The following YDJC variants were observed in gnomAD, a reference collection of about 807,000 sequenced individuals.
YDJC encodes YdjC chitooligosaccharide deacetylase homolog.
YDJC carries 23 observed loss-of-function variants against 18.9 expected under a neutral mutation model. That is an observed-to-expected ratio of 1.22 (90% CI 0.87 to 1.72). The LOEUF is 1.72. Ranked by LOEUF, YDJC falls within the 40% of genes most tolerant of loss-of-function variation. YDJC has a pLI of 0.00. For synonymous variants in YDJC, 224 were observed against 217.6 expected, an observed-to-expected ratio of 1.03 and a Z score of -0.26; for missense variants, 467 against 470.8, an observed-to-expected ratio of 0.99 and a Z score of 0.07.
In YDJC at chr22:21,629,942, T is replaced by C; in HGVS notation, c.73A>G (p.Ile25Val). 6.2e-7 allele frequency: 1 copy of C among 1,605,264 alleles called. No individual in the cohort carries two copies. The highest frequency in any genetic ancestry group is 8.5e-7 in the Non-Finnish European group (1 of 1,178,480). Residue 25 changes from isoleucine (I) to valine (V), a missense_variant, in exon 1 of 5, where the codon ATC becomes GTC. Transcript: ENST00000292778. ...FGYCPRRDEG[I>V]VEAFLAGAVT... is the part of the protein sequence containing the mutation. ...GCCCCGGCCAGAAAGGCCTCCACGATACCCTCATCGCGTCGCGGGCAGTAA... is the reference window on the plus strand; with the variant it reads ...GCCCCGGCCAGAAAGGCCTCCACGACACCCTCATCGCGTCGCGGGCAGTAA...
chr22:21,628,553 C>A lies in YDJC; in HGVS notation c.837G>T (p.Ala279=). Reference sequence around the variant, plus strand: ...GGGCAAGCTGGGCCCGCAGCGTGGGCGCGGTGAGGACGCGCAGCTCATGCA... The same window carrying A: ...GGGCAAGCTGGGCCCGCAGCGTGGGAGCGGTGAGGACGCGCAGCTCATGCA... ...ERLHELRVLT[A]PTLRAQLAQD... is the part of the protein sequence containing the mutation. Residue 279 remains alanine (A), a synonymous_variant, in exon 5 of 5, where the codon GCG becomes GCT. Coordinates refer to ENST00000292778, the MANE Select transcript of YDJC (RefSeq NM_001017964.2). 1 of 1,611,314 alleles carries A rather than the reference C, an allele frequency of 6.2e-7. No individual in the cohort carries two copies. Among genetic ancestry groups the A allele is most frequent in the Non-Finnish European group, 8.5e-7 (1 of 1,178,668 alleles).
Position 21,629,360 on chromosome 22 carries a change from C to T in YDJC, c.372G>A (p.Leu124=). 1 of 1,550,128 alleles carries T rather than the reference C, an allele frequency of 6.5e-7. No individual in the cohort carries two copies. The highest frequency in any genetic ancestry group is 1.4e-5 in the African/African-American group (1 of 73,186). The change falls in exon 3 of 5, where the codon CTG becomes CTA. Residue 124 remains leucine, a synonymous_variant. Transcript: ENST00000292778. ...CGTCCGCGTGCGTGGGGGCCCTGCC[C>T]AGCAGCTCCCGGAAGCAGCTTAGTT... ...EAQLSCFREL[L]GRAPTHADGH...
rs1490896390 is a variant in YDJC, at chr22:21,628,096, G to A, written c.*322C>T. On this transcript the variant is annotated 3_prime_UTR_variant, in exon 5 of 5. Transcript: ENST00000292778. The stretch of plus-strand genomic sequence containing the variant: ...GCTGATAAACCACCCAAGTTTGAAA[G>A]ACACACGTTATTTTATTAATATAGC... The A allele has an allele frequency of 4.1e-6, 1 of 244,674 alleles. No individual in the cohort carries two copies. The highest frequency in any genetic ancestry group is 2.2e-5 in the African/African-American group (1 of 44,852). The allele number at this position is 244,674 out of a possible 1,614,324, so 15.2% of individuals were successfully genotyped here.
Position 21,629,940 on chromosome 22 carries a change from G to C in YDJC, c.75C>G (p.Ile25Met). The C allele has an allele frequency of 6.2e-7, 1 of 1,605,232 alleles. No individual in the cohort carries two copies. Among genetic ancestry groups the C allele is most frequent in the South Asian group, 1.1e-5 (1 of 90,360 alleles). Residue 25 changes from isoleucine to methionine, a missense_variant, in exon 1 of 5, where the codon ATC becomes ATG. Ile to Met is a conservative substitution (Grantham distance 10, BLOSUM62 1). Coordinates refer to ENST00000292778, the MANE Select transcript of YDJC (RefSeq NM_001017964.2). ...CAGCCCCGGCCAGAAAGGCCTCCAC[G>C]ATACCCTCATCGCGTCGCGGGCAGT... ...FGYCPRRDEG[I>M]VEAFLAGAVT...
chr22:21,629,528 A>C (rs2148458729), intron 2 of YDJC, 74 bp downstream of exon 2: 1 of 1,602,540 alleles, frequency 6.2e-7, no homozygotes, highest in East Asian at 2.2e-5. Flanking sequence ...CCAGCTCCTA[A>C]CGGCCTCACA....
In YDJC at chr22:21,628,395, A is replaced by G; in HGVS notation, c.*23T>C. ...CCCCTTTCTTGGTACTAAGGGGATT[A>G]GTGCTTGGTTGTCTGTAGGGGGTCA... On this transcript the variant is annotated 3_prime_UTR_variant, in exon 5 of 5. Coordinates refer to ENST00000292778, the MANE Select transcript of YDJC (RefSeq NM_001017964.2). 5 of 1,515,016 alleles carry G rather than the reference A, an allele frequency of 3.3e-6. No individual in the cohort carries two copies. Among genetic ancestry groups the G allele is most frequent in the Non-Finnish European group, 4.4e-6 (5 of 1,128,544 alleles). The allele number at this position is 1,515,016 out of a possible 1,614,324, so 93.8% of individuals were successfully genotyped here.
intron 3 of YDJC, 43 bp downstream of exon 3, chr22:21,629,265 C>A (rs1411044424): frequency 2.3e-5 from 36 of 1,549,728 alleles, no homozygotes; most frequent in African/African-American, 5.5e-5. Context: ...CCCAGCCCCG[C>A]CTGGGAGTAA....
At position 21,629,142 on chromosome 22, in the gene YDJC, C is replaced by G. The variant is rs770991671; in HGVS notation, c.470G>C (p.Arg157Pro). ...GCGCTCCAGCGGCAGTCGCGTAAAG[C>G]GCACCCCATAGGCCTGCAGCGCCTC... ...FAEALQAYGV[R>P]FTRLPLERGV... Residue 157 changes from arginine to proline, a missense_variant, in exon 4 of 5, where the codon CGC (arginine) becomes CCC (proline). Coordinates refer to ENST00000292778, the MANE Select transcript of YDJC (RefSeq NM_001017964.2). 2.4e-5 allele frequency: 37 copies of G among 1,540,020 alleles called. No individual in the cohort carries two copies. Among genetic ancestry groups the G allele is most frequent in the Non-Finnish European group, 3.2e-5 (37 of 1,146,396 alleles).
chr22:21,629,809 G>T (rs1930425403), intron 1 of YDJC, 42 bp downstream of exon 1: 3 of 1,473,990 alleles, frequency 2.0e-6, no homozygotes, highest in African/African-American at 1.5e-5. Context: ...GGAGCCGCGC[G>T]CCCCAAGCCG....
chr22:21,629,895 C>T lies in YDJC; in HGVS notation c.120G>A (p.Leu40=). ...CGCTCTCCGTGGCCGCACCGTTGAC[C>T]AGCAGGGACACGCTGGTCACAGCCC... is the stretch of plus-strand genomic sequence containing the variant. ...LAGAVTSVSL[L]VNGAATESAA... Residue 40 remains leucine (L), a synonymous_variant, in exon 1 of 5, where the codon CTG becomes CTA. Transcript: ENST00000292778. 1 of 1,593,638 alleles carries T rather than the reference C, an allele frequency of 6.3e-7. No individual in the cohort carries two copies. Among genetic ancestry groups the T allele is most frequent in the Non-Finnish European group, 8.5e-7 (1 of 1,174,548 alleles).
At position 21,629,704 on chromosome 22, in the gene YDJC, C is replaced by A; in HGVS notation, c.222G>T (p.Pro74=). ...GCAGCGATGAGGCGCCACGGCGGGC[C>A]GGACCCACGGGGCGGCCCTCGGACA... is the stretch of plus-strand genomic sequence containing the variant. ...ANLSEGRPVG[P]ARRGASSLLG... Residue 74 remains proline (P), a synonymous_variant, in exon 2 of 5, where the codon CCG becomes CCT. Transcript: ENST00000292778. The A allele has an allele frequency of 6.3e-7, 1 of 1,591,258 alleles. No homozygotes were observed. The highest frequency in any genetic ancestry group is 1.1e-5 in the South Asian group (1 of 88,732).
Position 21,628,279 on chromosome 22 carries a change from G to C in YDJC, c.*139C>G, listed in dbSNP as rs566063891. 1.6e-6 allele frequency: 2 copies of C among 1,219,296 alleles called. No homozygotes were observed. Among genetic ancestry groups the C allele is most frequent in the African/African-American group, 3.1e-5 (2 of 64,360 alleles). The allele number at this position is 1,219,296 out of a possible 1,614,324, so 75.5% of individuals were successfully genotyped here. A position where few individuals can be genotyped will look rare whatever the true frequency, so the allele number is the denominator to read the frequency against. Reference sequence around the variant, plus strand: ...ATGCCATTTGGAGGCATGAGGACCTGAGCCCAGAGGTGGCAGTGTCCTACC... The same window carrying C: ...ATGCCATTTGGAGGCATGAGGACCTCAGCCCAGAGGTGGCAGTGTCCTACC... On this transcript the variant is annotated 3_prime_UTR_variant, in exon 5 of 5. Coordinates refer to ENST00000292778, the MANE Select transcript of YDJC (RefSeq NM_001017964.2).
chr22:21,629,192 G>C lies in YDJC; in HGVS notation c.425-5C>G, dbSNP rs1364250250. The stretch of plus-strand genomic sequence containing the variant: ...CGGCGAACACCTGGCACACGCCTGC[G>C]GGCGGAGCGGGTCAGGGAGGAGCAC... On this transcript the variant is annotated splice_region_variant and splice_polypyrimidine_tract_variant and intron_variant, in intron 3 of 4. Coordinates refer to ENST00000292778, the MANE Select transcript of YDJC (RefSeq NM_001017964.2). 1.9e-6 allele frequency: 3 copies of C among 1,544,632 alleles called. No individual in the cohort carries two copies. The highest frequency in any genetic ancestry group is 1.7e-4 in the Middle Eastern group (1 of 5,988).
In YDJC at chr22:21,628,593, C is replaced by A; in HGVS notation, c.797G>T (p.Cys266Phe). 6.2e-7 allele frequency: 1 copy of A among 1,606,802 alleles called. No individual in the cohort carries two copies. ...CAGCTCATGCAGCCGCTCCCAAGAG[C>A]AAGAGAAAGCGTCGGGGCCTTCACC... Reference protein sequence around the residue: ...GCGEGPDAFSCSWERLHELRV... With the variant: ...GCGEGPDAFSFSWERLHELRV... The change falls in exon 5 of 5, where the codon TGC becomes TTC. Residue 266 changes from cysteine to phenylalanine, a missense_variant. By Grantham distance (205) the Cys-to-Phe change is radical (BLOSUM62 -2). Transcript: ENST00000292778.
At position 21,629,979 on chromosome 22, in the gene YDJC, C is replaced by T. The variant is rs1412281470; in HGVS notation, c.36G>A (p.Ala12=). The part of the protein sequence containing the change: ...SRPRMRLVVT[A]DDFGYCPRRD... The stretch of plus-strand genomic sequence containing the variant: ...GTCGCGGGCAGTAACCAAAGTCGTC[C>T]GCGGTGACCACCAGGCGCATGCGAG... Residue 12 remains alanine (A), a synonymous_variant, in exon 1 of 5, where the codon GCG becomes GCA. Coordinates refer to ENST00000292778, the MANE Select transcript of YDJC (RefSeq NM_001017964.2). The T allele has an allele frequency of 6.2e-7, 1 of 1,602,430 alleles. No homozygotes were observed. The highest frequency in any genetic ancestry group is 8.5e-7 in the Non-Finnish European group (1 of 1,177,876).
At position 21,628,561 on chromosome 22, in the gene YDJC, G is replaced by C; in HGVS notation, c.829C>G (p.Leu277Val). ...TGGGCCCGCAGCGTGGGCGCGGTGA[G>C]GACGCGCAGCTCATGCAGCCGCTCC... ...SWERLHELRV[L>V]TAPTLRAQLA... is the part of the protein sequence containing the mutation. Residue 277 changes from leucine (L) to valine (V), a missense_variant, in exon 5 of 5, where the codon CTC becomes GTC. Physicochemically the swap from Leu to Val is conservative, Grantham distance 32 (BLOSUM62 1). Transcript: ENST00000292778. 1 of 1,610,632 alleles carries C rather than the reference G, an allele frequency of 6.2e-7. No homozygotes were observed. Among genetic ancestry groups the C allele is most frequent in the Non-Finnish European group, 8.5e-7 (1 of 1,178,252 alleles).
At position 21,628,606 on chromosome 22, in the gene YDJC, C is replaced by T. The variant is rs1047257443; in HGVS notation, c.784G>A (p.Asp262Asn). The T allele has an allele frequency of 1.2e-6, 2 of 1,601,028 alleles. No individual in the cohort carries two copies. Among genetic ancestry groups the T allele is most frequent in the African/African-American group, 1.3e-5 (1 of 74,812 alleles). Reference protein sequence around the residue: ...PPTGGCGEGPDAFSCSWERLH... With the variant: ...PPTGGCGEGPNAFSCSWERLH... ...CGCTCCCAAGAGCAAGAGAAAGCGT[C>T]GGGGCCTTCACCGCAGCCGCCGGTG... Residue 262 changes from aspartate (D) to asparagine (N), a missense_variant, in exon 5 of 5, where the codon GAC (aspartate) becomes AAC (asparagine). Transcript: ENST00000292778.
At position 21,628,457 on chromosome 22, in the gene YDJC, C is replaced by T. The variant is rs376508203; in HGVS notation, c.933G>A (p.Glu311=). 6.3e-6 allele frequency: 10 copies of T among 1,586,054 alleles called. No homozygotes were observed. In the South Asian group the frequency reaches 9.1e-5, roughly 15 times the overall value. Residue 311 remains glutamate (E), a synonymous_variant, in exon 5 of 5, where the codon GAG becomes GAA. Transcript: ENST00000292778. ...GTTCCAGGAAGGGTTCCAGAGTGGG[C>T]TCACAGGGGACCTCCTCCCCTGGCC... ...SKRPGEEVPC[E]PTLEPFLEPS...
chr22:21,629,529 C>A, intron 2 of YDJC, 73 bp downstream of exon 2: 1 of 1,602,370 alleles, frequency 6.2e-7, no homozygotes, highest in South Asian at 1.1e-5. Context: ...CAGCTCCTAA[C>A]GGCCTCACAG....
Sources: allele counts gnomAD v4.1 joint callset, GRCh38; gene constraint gnomAD v4.1.1; transcripts MANE v1.5; gene names NCBI Gene and HGNC (gene_info 2026-07-23, HGNC 2026-07-21).